C2CD3: variants seen among roughly 807,000 people sequenced by gnomAD.
C2CD3 encodes C2 domain-containing protein 3.
C2CD3 carries 148 observed loss-of-function variants against 234.0 expected under a neutral mutation model. The ratio of observed to expected loss-of-function variants is 0.63; its 90% confidence interval spans 0.55 to 0.72. The LOEUF (loss-of-function observed/expected upper bound fraction) is 0.72, where lower values mean the gene tolerates loss of function less well. Among genes scored for constraint, C2CD3 ranks in the 30% least tolerant of loss-of-function variants. The pLI is 0.00. For missense variants in C2CD3, 2,577 were observed against 2,811.5 expected, an observed-to-expected ratio of 0.92 and a Z score of 1.89; for synonymous variants, 1,000 against 1,035.4, an observed-to-expected ratio of 0.97 and a Z score of 0.66.
chr11:74,085,065 C>T, intron 21 of C2CD3, 95 bp from the exon 22 acceptor site: 1 of 647,858 alleles, frequency 1.5e-6, no homozygotes, highest in South Asian at 1.9e-5. Context: ...CTTATATGCA[C>T]TAAATCTTAG....
chr11:74,061,528 G>C (rs774291574), intron 24 of C2CD3, among the ~76,000 whole-genome samples: 1 of 152,154 alleles, frequency 6.6e-6, no homozygotes, highest in Non-Finnish European at 1.5e-5. Context: ...GTCAAACTGA[G>C]CTTCATAAGT....
At chr11:74,096,253 G>C (rs1185697142) in intron 16 of C2CD3, among the ~76,000 whole-genome samples, 1 of 152,138 alleles carries the variant, frequency 6.6e-6, no homozygotes, top group African/African-American at 2.4e-5. Flanking sequence ...AGATCTTAGA[G>C]AATGAATTAT....
intron 26 of C2CD3, among the ~76,000 whole-genome samples, chr11:74,051,834 C>T (rs1398828830): frequency 4.6e-5 from 7 of 152,104 alleles, no homozygotes; most frequent in Non-Finnish European, 1.0e-4. Flanking sequence ...TTTATTTTAC[C>T]TTTGTATCCC....
At chr11:74,044,788 A>T (rs895117125) in intron 28 of C2CD3, among the ~76,000 whole-genome samples, 1 of 152,016 alleles carries the variant, frequency 6.6e-6, no homozygotes, top group Non-Finnish European at 1.5e-5. Flanking sequence ...GCTGCCACTT[A>T]TAAGAGAGAA....
chr11:74,150,516 CAAAAAA>C (rs1162306851), intron 3 of C2CD3, among the ~76,000 whole-genome samples: 59 of 65,986 alleles, frequency 8.9e-4, no homozygotes, highest in Non-Finnish European at 9.9e-4. Context: ...AAAAAAAAAA[CAAAAAA>C]AAAACAAAAC....
At chr11:74,098,863 C>A (rs1389691534) in intron 15 of C2CD3, among the ~76,000 whole-genome samples, 1 of 152,168 alleles carries the variant, frequency 6.6e-6, no homozygotes, top group Admixed American at 6.5e-5. Flanking sequence ...TTAGCTCTGC[C>A]ACTTATTTGC....
intron 15 of C2CD3, 103 bp downstream of exon 15, chr11:74,100,422 G>A: frequency 1.9e-6 from 2 of 1,081,058 alleles, no homozygotes; most frequent in Non-Finnish European, 2.7e-6. Context: ...AGTCCTTCAA[G>A]GGATTACTGG....
At chr11:74,057,354 T>G in intron 25 of C2CD3, 52 bp downstream of exon 25, 1 of 1,605,952 alleles carries the variant, frequency 6.2e-7, no homozygotes, top group Non-Finnish European at 8.5e-7. Context: ...ACTTTGTGTC[T>G]TGGAACAAAA....
At chr11:74,149,050 T>C (rs915309303) in intron 3 of C2CD3, among the ~76,000 whole-genome samples, 1 of 152,244 alleles carries the variant, frequency 6.6e-6, no homozygotes, top group African/African-American at 2.4e-5. Context: ...TTTCTATACC[T>C]GATTCCTGTG....
chr11:74,158,678 C>T (rs1387406388), intron 3 of C2CD3, among the ~76,000 whole-genome samples: 1 of 150,860 alleles, frequency 6.6e-6, no homozygotes, highest in African/African-American at 2.4e-5. Flanking sequence ...GCCGAGATGG[C>T]GCCATTGCAC....
Position 74,116,987 on chromosome 11 carries a change from CATATACGTGTATATGTATATATACACAT to C in C2CD3, c.1520+1213_1520+1240del, listed in dbSNP as rs1400943026. Among the ~76,000 whole-genome samples, 6 of 73,194 alleles carry C rather than the reference CATATACGTGTATATGTATATATACACAT, an allele frequency of 8.2e-5. No homozygotes were observed. The South Asian group carries it at 1.3e-3, about 16-fold the overall frequency. The allele number at this position is 73,194 out of a possible 152,430, so 48.0% of individuals were successfully genotyped here. On this transcript the variant is annotated intron_variant, in intron 9 of 32. Coordinates refer to ENST00000334126, the MANE Select transcript of C2CD3 (RefSeq NM_001286577.2). Reference sequence around the variant, plus strand: ...ATACACATATACACGTATATATACACATATACGTGTATATGTATATATACACATATATACGTGTATATGTATATATACG... The same window carrying C: ...ATACACATATACACGTATATATACACATATACGTGTATATGTATATATACG...
At position 74,046,663 on chromosome 11, in the gene C2CD3, A is replaced by G. The variant is rs947639342; in HGVS notation, c.5495+1542T>C. Reference sequence around the variant, plus strand: ...CTTTTTCGTCTAGCTTCTCTTCCTCAGCATAATTATTTTTATATTCATTTT... The same window carrying G: ...CTTTTTCGTCTAGCTTCTCTTCCTCGGCATAATTATTTTTATATTCATTTT... On this transcript the variant is annotated intron_variant, in intron 28 of 32. Transcript: ENST00000334126. Among the ~76,000 whole-genome samples the G allele has an allele frequency of 1.8e-4, 27 of 152,170 alleles. 1 individual carries two copies. The highest frequency in any genetic ancestry group is 1.5e-3 in the Admixed American group (23 of 15,284).
intron 7 of C2CD3, among the ~76,000 whole-genome samples, chr11:74,130,280 C>T (rs922855650): frequency 4.0e-5 from 6 of 150,774 alleles, no homozygotes; most frequent in African/African-American, 9.7e-5. Flanking sequence ...AGCTGGAATA[C>T]GGTGGTGTAA....
chr11:74,159,012 T>C (rs1856246435), intron 3 of C2CD3, among the ~76,000 whole-genome samples: 1 of 152,188 alleles, frequency 6.6e-6, no homozygotes, highest in Admixed American at 6.5e-5. Context: ...TTTATAGTCA[T>C]GCACCAGGTA....
chr11:74,123,243 TAAACAA>T (rs1021395208), intron 7 of C2CD3, 108 bp from the exon 8 acceptor site: 12 of 738,966 alleles, frequency 1.6e-5, no homozygotes, highest in Middle Eastern at 6.5e-4. Context: ...GGAGATATGT[TAAACAA>T]AAGACTCACA....
chr11:74,104,612 T>A (rs1956441581), intron 13 of C2CD3, among the ~76,000 whole-genome samples: 1 of 150,574 alleles, frequency 6.6e-6, no homozygotes, highest in African/African-American at 2.4e-5. Flanking sequence ...AATTGGGGAG[T>A]CTCAGTAAAG....
chr11:74,053,987 T>G (rs1210086078), intron 26 of C2CD3, among the ~76,000 whole-genome samples: 1 of 151,308 alleles, frequency 6.6e-6, no homozygotes, highest in Non-Finnish European at 1.5e-5. Context: ...AAAAAATAAT[T>G]AGCAGCCAGG....
chr11:74,131,006 T>C (rs1466212795), intron 7 of C2CD3, among the ~76,000 whole-genome samples: 1 of 151,892 alleles, frequency 6.6e-6, no homozygotes. Context: ...TCTCACTATG[T>C]CACCCAGACT....
intron 22 of C2CD3, among the ~76,000 whole-genome samples, chr11:74,080,680 G>A (rs1955309607): frequency 6.6e-6 from 1 of 152,138 alleles, no homozygotes; most frequent in Non-Finnish European, 1.5e-5. Context: ...TTATATCCAA[G>A]GGGTTAATTT....
Sources: allele counts gnomAD v4.1 joint callset (sites outside exome capture counted in the v4.1 genomes callset), GRCh38; gene constraint gnomAD v4.1.1; transcripts MANE v1.5; gene names NCBI Gene and HGNC (gene_info 2026-07-23, HGNC 2026-07-21).